GPNMB: variants seen among roughly 807,000 people sequenced by gnomAD.
The protein encoded by GPNMB is transmembrane glycoprotein NMB.
GPNMB carries 71 observed loss-of-function variants against 57.3 expected under a neutral mutation model. The observed-to-expected ratio is 1.24, with a 90% CI of 1.02 to 1.51. The LOEUF is 1.51. GPNMB is among the 40% of genes most tolerant of loss of function. The probability of loss-of-function intolerance (pLI) is 0.00; values close to 1 mark genes in which losing one functional copy is unlikely to be tolerated. For synonymous variants in GPNMB, 253 were observed against 263.2 expected (o/e 0.96, Z 0.38); for missense variants, 677 against 691.9 (o/e 0.98, Z 0.24).
Position 23,260,669 on chromosome 7 carries a change from T to C in GPNMB, c.914T>C (p.Leu305Pro), listed in dbSNP as rs745997624. 2 of 1,613,928 alleles carry C rather than the reference T, an allele frequency of 1.2e-6. No homozygotes were observed. Among genetic ancestry groups the C allele is most frequent in the East Asian group, 4.5e-5 (2 of 44,880 alleles). The part of the protein sequence containing the change: ...TNHTVNHTYV[L>P]NGTFSLNLTV... ...CATACTGTGAATCACACGTATGTGC[T>C]CAATGGAACCTTCAGCCTTAACCTC... is the stretch of plus-strand genomic sequence containing the variant. Residue 305 changes from leucine (L) to proline (P), a missense_variant, in exon 6 of 11, where the codon CTC becomes CCC. Physicochemically the swap from Leu to Pro is moderately conservative, Grantham distance 98. Transcript: ENST00000258733.
rs374980020 is a variant in GPNMB, at chr7:23,273,933, CA to C, written c.1524-131del. Reference sequence around the variant, plus strand: ...AAATAAATGTACTTTCATAAGACACCAGTGTCTTGCAAACTGTCAATCATGT... The same window carrying C: ...AAATAAATGTACTTTCATAAGACACCGTGTCTTGCAAACTGTCAATCATGT... On this transcript the variant is annotated intron_variant, in intron 10 of 10. Transcript: ENST00000258733. 1,178 of 660,494 alleles carry C rather than the reference CA, an allele frequency of 1.8e-3. 6 individuals are homozygous for C. In the African/African-American group the frequency reaches 0.02, roughly 11 times the overall value. 40.9% of individuals were successfully genotyped at this position (660,494 alleles called of 1,614,324 possible).
chr7:23,255,831 AT>A (rs1782763539), intron 3 of GPNMB, among the ~76,000 whole-genome samples: 1 of 152,210 alleles, frequency 6.6e-6, no homozygotes, highest in African/African-American at 2.4e-5. Flanking sequence ...TGGTGATCAA[AT>A]CAGGGTGATT....
In GPNMB at chr7:23,259,991, C is replaced by T; in HGVS notation, c.553C>T (p.Gln185Ter). The stretch of plus-strand genomic sequence containing the variant: ...CCATCCTCCCAAAGGTCAGTATTTC[C>T]AGAAATTGGGACGATGTTCAGTGAG... The part of the protein sequence containing the change: ...YVFHTLGQYF[Q>*]KLGRCSVRVS... Residue 185 changes from glutamine (Q) to a stop codon, truncating the protein, a stop_gained, in exon 5 of 11, where the codon CAG becomes TAG. Coordinates refer to ENST00000258733, the MANE Select transcript of GPNMB (RefSeq NM_002510.3). LOFTEE classifies it high-confidence loss of function. 1 of 1,613,988 alleles carries T rather than the reference C, an allele frequency of 6.2e-7. No homozygotes were observed. Among genetic ancestry groups the T allele is most frequent in the Non-Finnish European group, 8.5e-7 (1 of 1,179,916 alleles).
At chr7:23,268,241 C>T (rs1386795448) in intron 8 of GPNMB, among the ~76,000 whole-genome samples, 1 of 152,136 alleles carries the variant, frequency 6.6e-6, no homozygotes, top group East Asian at 1.9e-4. Context: ...ACTGTTTGAA[C>T]ACTTAACTGA....
chr7:23,252,482 T>G (rs1366890440), intron 1 of GPNMB, among the ~76,000 whole-genome samples: 1 of 152,230 alleles, frequency 6.6e-6, no homozygotes, highest in African/African-American at 2.4e-5. Flanking sequence ...ATCAAAGTAT[T>G]CTTTAGAACA....
At chr7:23,249,073 G>T (rs995435741) in intron 1 of GPNMB, among the ~76,000 whole-genome samples, 1 of 152,014 alleles carries the variant, frequency 6.6e-6, no homozygotes, top group East Asian at 1.9e-4. Flanking sequence ...CACCTTATCC[G>T]GATGGGTTTA....
In GPNMB at chr7:23,270,104, GTGTGAACC is replaced by G. The variant is rs1463610152; in HGVS notation, c.1360_1367del (p.Val454HisfsTer5). ...ACCTTCAATGGGTCTGGGACGTACTGTGTGAACCTCACCCTGGGGGATGACACAAGCCT... is the reference window on the plus strand; with the variant it reads ...ACCTTCAATGGGTCTGGGACGTACTGTCACCCTGGGGGATGACACAAGCCT... On this transcript the variant is annotated frameshift_variant, in exon 9 of 11. Transcript: ENST00000258733. LOFTEE classifies it high-confidence loss of function. 6.2e-7 allele frequency: 1 copy of G among 1,613,998 alleles called. No homozygotes were observed. The highest frequency in any genetic ancestry group is 1.3e-5 in the African/African-American group (1 of 74,900).
At chr7:23,252,594 C>T (rs1448663577) in intron 1 of GPNMB, among the ~76,000 whole-genome samples, 1 of 152,084 alleles carries the variant, frequency 6.6e-6, no homozygotes, top group Non-Finnish European at 1.5e-5. Flanking sequence ...CACCTGACAA[C>T]AAAGCTTCAA....
rs538408791 is a variant in GPNMB, at chr7:23,267,816, A to G, written c.1118-70A>G. The G allele has an allele frequency of 3.3e-5, 34 of 1,025,826 alleles. No individual in the cohort carries two copies. In the South Asian group the frequency reaches 4.3e-4, roughly 13 times the overall value. 63.5% of individuals were successfully genotyped at this position (1,025,826 alleles called of 1,614,324 possible). ...GACACAAACATTCAATCTATACCAG[A>G]GTGATTGTTTGGCTTTGTTTGATTT... is the stretch of plus-strand genomic sequence containing the variant. On this transcript the variant is annotated intron_variant, in intron 7 of 10. Transcript: ENST00000258733.
chr7:23,270,211 A>T, intron 9 of GPNMB, 36 bp downstream of exon 9: 1 of 1,418,490 alleles, frequency 7.0e-7, no homozygotes, highest in South Asian at 1.2e-5. Context: ...AGCATTTCAT[A>T]CTGCAAGTAA....
intron 7 of GPNMB, 33 bp downstream of exon 7, chr7:23,266,648 A>T: frequency 1.9e-6 from 3 of 1,605,528 alleles, no homozygotes; most frequent in South Asian, 1.1e-5. Flanking sequence ...GTGAGGAAGG[A>T]TGCTAGACTC....
Position 23,257,030 on chromosome 7 carries a change from GA to G in GPNMB, c.508del (p.Arg170AspfsTer23), listed in dbSNP as rs765420850. ...CCTTTTCCTCACCACCCCGGATGGAGAAGATGGAATTTCATCTACGTCTTCC... is the reference window on the plus strand; with the variant it reads ...CCTTTTCCTCACCACCCCGGATGGAGAGATGGAATTTCATCTACGTCTTCC... ...GKPFPHHPGW[R>X]RWNFIYVFHT... On this transcript the variant is annotated frameshift_variant, in exon 4 of 11. Coordinates refer to ENST00000258733, the MANE Select transcript of GPNMB (RefSeq NM_002510.3). LOFTEE classifies it high-confidence loss of function. 40 of 1,614,080 alleles carry G rather than the reference GA, an allele frequency of 2.5e-5. No individual in the cohort carries two copies. Among genetic ancestry groups the G allele is most frequent in the Non-Finnish European group, 3.1e-5 (37 of 1,179,998 alleles).
chr7:23,253,578 T>A, intron 2 of GPNMB, 119 bp downstream of exon 2: 2 of 820,612 alleles, frequency 2.4e-6, no homozygotes, highest in Non-Finnish European at 3.8e-6. Flanking sequence ...GTGCTCTCAT[T>A]ACCAAGTGGG....
intron 5 of GPNMB, 112 bp downstream of exon 5, chr7:23,260,250 C>G: frequency 8.7e-7 from 1 of 1,148,596 alleles, no homozygotes; most frequent in Non-Finnish European, 1.3e-6. Flanking sequence ...GCATCTGGCC[C>G]ACCTAAGCTT....
At position 23,260,606 on chromosome 7, in the gene GPNMB, G is replaced by A. The variant is rs1459252992; in HGVS notation, c.851G>A (p.Ser284Asn). Residue 284 changes from serine (S) to asparagine (N), a missense_variant, in exon 6 of 11, where the codon AGC (serine) becomes AAC (asparagine). Ser to Asn is a conservative substitution (Grantham distance 46). Coordinates refer to ENST00000258733, the MANE Select transcript of GPNMB (RefSeq NM_002510.3). The stretch of plus-strand genomic sequence containing the variant: ...TATTCTACCATTAACTACAAGTGGA[G>A]CTTCGGGGATAATACTGGCCTGTTT... ...LNYSTINYKW[S>N]FGDNTGLFVS... 1 of 1,613,942 alleles carries A rather than the reference G, an allele frequency of 6.2e-7. No homozygotes were observed. Among genetic ancestry groups the A allele is most frequent in the African/African-American group, 1.3e-5 (1 of 74,882 alleles).
At position 23,274,156 on chromosome 7, in the gene GPNMB, G is replaced by A. The variant is rs763870261; in HGVS notation, c.1615G>A (p.Val539Met). 1.5e-5 allele frequency: 25 copies of A among 1,613,700 alleles called. No individual in the cohort carries two copies. Among genetic ancestry groups the A allele is most frequent in the Middle Eastern group, 3.3e-4 (2 of 6,084 alleles). Residue 539 changes from valine to methionine, a missense_variant, in exon 11 of 11, where the codon GTG becomes ATG. By Grantham distance (21) the Val-to-Met change is conservative. Coordinates refer to ENST00000258733, the MANE Select transcript of GPNMB (RefSeq NM_002510.3). ...TGTCTTTCTCAACCGTGCAAAAGCC[G>A]TGTTCTTCCCGGGAAACCAGGAAAA... The part of the protein sequence containing the change: ...LSVFLNRAKA[V>M]FFPGNQEKDP...
At chr7:23,255,985 C>T (rs1782767785) in intron 3 of GPNMB, among the ~76,000 whole-genome samples, 2 of 152,030 alleles carry the variant, frequency 1.3e-5, no homozygotes, top group Admixed American at 1.3e-4. Context: ...TGGCTCACTG[C>T]AACCTCCACC....
At chr7:23,266,367 T>C (rs1384926799) in intron 6 of GPNMB, 150 bp from the exon 7 acceptor site, 1 of 682,116 alleles carries the variant, frequency 1.5e-6, no homozygotes. Flanking sequence ...ATGACACATT[T>C]AGTTCAAATT....
At position 23,253,356 on chromosome 7, in the gene GPNMB, G is replaced by C. The variant is rs1490199480; in HGVS notation, c.120G>C (p.Glu40Asp). ...AAAGACCTTCTGCTTACATGAGGGAGCACAATCAATTAAATGGCTGGTCTT... is the reference window on the plus strand; with the variant it reads ...AAAGACCTTCTGCTTACATGAGGGACCACAATCAATTAAATGGCTGGTCTT... Reference protein sequence around the residue: ...GNERPSAYMREHNQLNGWSSD... With the variant: ...GNERPSAYMRDHNQLNGWSSD... Residue 40 changes from glutamate (E) to aspartate (D), a missense_variant, in exon 2 of 11, where the codon GAG becomes GAC. Physicochemically the swap from Glu to Asp is conservative, Grantham distance 45 (BLOSUM62 2). Transcript: ENST00000258733. The C allele has an allele frequency of 6.2e-7, 1 of 1,613,424 alleles. No individual in the cohort carries two copies. Among genetic ancestry groups the C allele is most frequent in the Non-Finnish European group, 8.5e-7 (1 of 1,179,494 alleles).
Sources: allele counts gnomAD v4.1 joint callset (sites outside exome capture counted in the v4.1 genomes callset), GRCh38; gene constraint gnomAD v4.1.1; transcripts MANE v1.5; gene names NCBI Gene and HGNC (gene_info 2026-07-23, HGNC 2026-07-21).